ATXN1: variants seen among roughly 807,000 people sequenced by gnomAD.
The protein encoded by ATXN1 is ataxin 1.
A neutral mutation model predicts 56.4 loss-of-function variants in ATXN1; 8 were observed. The ratio of observed to expected loss-of-function variants is 0.14; its 90% CI spans 0.08 to 0.26. ATXN1 has a LOEUF of 0.26. Ranked by LOEUF, ATXN1 falls within the 10% of genes least tolerant of loss-of-function variation. ATXN1 has a pLI of 1.00. For missense variants in ATXN1, 987 were observed against 1,106.5 expected, an observed-to-expected ratio of 0.89 and a Z score of 1.53; for synonymous variants, 514 against 494.6, an observed-to-expected ratio of 1.04 and a Z score of -0.52.
At chr6:16,356,953 C>G (rs764335111) in intron 6 of ATXN1, among the ~76,000 whole-genome samples, 21 of 152,172 alleles carry the variant, frequency 1.4e-4, no homozygotes, top group Non-Finnish European at 2.4e-4. Flanking sequence ...ATATGGAGGA[C>G]TGTGGTGACA....
At chr6:16,453,408 C>T (rs761428092) in intron 6 of ATXN1, among the ~76,000 whole-genome samples, 86 of 152,094 alleles carry the variant, frequency 5.7e-4, no homozygotes, top group Admixed American at 9.8e-4. Flanking sequence ...TTGAAGTGAG[C>T]CAAGATTGCG....
intron 6 of ATXN1, among the ~76,000 whole-genome samples, chr6:16,354,307 G>C (rs1761639400): frequency 2.6e-5 from 4 of 152,092 alleles, no homozygotes; most frequent in Admixed American, 2.0e-4. Context: ...GCCCAGGCTG[G>C]AGTGCAGTGG....
chr6:16,342,329 A>G (rs1349034330), intron 6 of ATXN1, among the ~76,000 whole-genome samples: 1 of 151,998 alleles, frequency 6.6e-6, no homozygotes, highest in East Asian at 1.9e-4. Context: ...GATGGACATT[A>G]TATTCTTTTT....
chr6:16,597,763 A>G (rs1762841633), intron 3 of ATXN1, among the ~76,000 whole-genome samples: 1 of 152,202 alleles, frequency 6.6e-6, no homozygotes, highest in Non-Finnish European at 1.5e-5. Flanking sequence ...TGATGTAAGG[A>G]GAAACATATT....
At chr6:16,689,140 T>C (rs1385878559) in intron 2 of ATXN1, among the ~76,000 whole-genome samples, 4 of 152,096 alleles carry the variant, frequency 2.6e-5, no homozygotes, top group African/African-American at 4.8e-5. Flanking sequence ...ATGAAGACAA[T>C]ACATACTCTT....
intron 6 of ATXN1, among the ~76,000 whole-genome samples, chr6:16,439,958 C>T (rs1759480345): frequency 6.6e-6 from 1 of 150,668 alleles, no homozygotes; most frequent in Non-Finnish European, 1.5e-5. Flanking sequence ...ACCTGTAATC[C>T]CAGCTACTCG....
intron 4 of ATXN1, among the ~76,000 whole-genome samples, chr6:16,529,993 G>C (rs1012892205): frequency 2.0e-5 from 3 of 152,154 alleles, no homozygotes; most frequent in Non-Finnish European, 4.4e-5. Flanking sequence ...ATGTCCCCAA[G>C]TTGGAGAAGT....
chr6:16,414,061 G>A (rs1166191010), intron 6 of ATXN1, among the ~76,000 whole-genome samples: 2 of 152,178 alleles, frequency 1.3e-5, no homozygotes, highest in Non-Finnish European at 2.9e-5. Context: ...TCTTTCTATA[G>A]CCTCAAGGAG....
At chr6:16,429,478 T>C (rs575334187) in intron 6 of ATXN1, among the ~76,000 whole-genome samples, 2 of 141,152 alleles carry the variant, frequency 1.4e-5, no homozygotes, top group African/African-American at 2.6e-5. Flanking sequence ...AGTGCAGTGG[T>C]ACGATCTCAG....
At chr6:16,702,530 C>T (rs967936698) in intron 2 of ATXN1, among the ~76,000 whole-genome samples, 1 of 152,142 alleles carries the variant, frequency 6.6e-6, no homozygotes, top group Non-Finnish European at 1.5e-5. Flanking sequence ...AAAGAAACTA[C>T]CATCGGAGTG....
intron 7 of ATXN1, among the ~76,000 whole-genome samples, chr6:16,324,661 G>C (rs1205153952): frequency 4.6e-5 from 7 of 152,200 alleles, no homozygotes; most frequent in African/African-American, 1.2e-4. Context: ...AAAGCTCTCA[G>C]CTGCAGGCTG....
rs1016849757 is a variant in ATXN1 at position 16,328,489 on chromosome 6, C to G, written c.-160-19G>C. 1 of 1,166,080 alleles carries G rather than the reference C, an allele frequency of 8.6e-7. No individual in the cohort carries two copies. Among genetic ancestry groups the G allele is most frequent in the Non-Finnish European group, 1.1e-6 (1 of 906,774 alleles). 72.2% of individuals were successfully genotyped at this position (1,166,080 alleles called of 1,614,324 possible). A position where few individuals can be genotyped will look rare whatever the true frequency, so the allele number is the denominator to read the frequency against. Reference sequence around the variant, plus strand: ...CTGGATGCTGGGAAAGGGAAGAGGGCAGTGACAAAGGGAAAAGGAAAGGGA... The same window carrying G: ...CTGGATGCTGGGAAAGGGAAGAGGGGAGTGACAAAGGGAAAAGGAAAGGGA... On this transcript the variant is annotated intron_variant, in intron 6 of 7. Transcript: ENST00000436367. The surrounding 1 kb of genome is among the most constrained non-coding windows in gnomAD (Gnocchi z 6.2).
chr6:16,401,565 T>TA (rs1351856623), intron 6 of ATXN1, among the ~76,000 whole-genome samples: 1 of 152,148 alleles, frequency 6.6e-6, no homozygotes, highest in Non-Finnish European at 1.5e-5. Flanking sequence ...GCAGATGAAA[T>TA]GGTCTAAGGT....
intron 2 of ATXN1, among the ~76,000 whole-genome samples, chr6:16,691,093 A>T (rs565836099): frequency 6.6e-6 from 1 of 152,216 alleles, no homozygotes; most frequent in African/African-American, 2.4e-5. Flanking sequence ...GACATGATGC[A>T]ACCACCTTCA....
intron 7 of ATXN1, among the ~76,000 whole-genome samples, chr6:16,321,114 G>A (rs1269319240): frequency 6.6e-6 from 1 of 152,182 alleles, no homozygotes; most frequent in Non-Finnish European, 1.5e-5. Flanking sequence ...TGAGGGATAT[G>A]TTCAGACTCA....
chr6:16,323,372 A>G (rs189664909), intron 7 of ATXN1, among the ~76,000 whole-genome samples: 14 of 152,092 alleles, frequency 9.2e-5, no homozygotes, highest in Non-Finnish European at 1.8e-4. Context: ...TACAAAAATT[A>G]GCAGGGGGTG....
intron 6 of ATXN1, among the ~76,000 whole-genome samples, chr6:16,469,018 C>CA (rs1760164601): frequency 1.3e-5 from 2 of 152,182 alleles, no homozygotes; most frequent in Non-Finnish European, 2.9e-5. Context: ...TAAAATCTGC[C>CA]AAAACTGTGC....
In ATXN1 at chr6:16,407,534, T is replaced by A. The variant is rs181459068; in HGVS notation, c.-161+78438A>T. Reference sequence around the variant, plus strand: ...GCTGAAGCTGGTTTTACTCACAACATCTGGTTTGCTTATATAGCATATCAA... The same window carrying A: ...GCTGAAGCTGGTTTTACTCACAACAACTGGTTTGCTTATATAGCATATCAA... On this transcript the variant is annotated intron_variant, in intron 6 of 7. Transcript: ENST00000436367. 9.8e-5 allele frequency among the ~76,000 whole-genome samples: 15 copies of A among 152,346 alleles called. No individual in the cohort carries two copies. The East Asian group carries it at 2.5e-3, about 25-fold the overall frequency.
intron 6 of ATXN1, among the ~76,000 whole-genome samples, chr6:16,348,149 A>G (rs746162818): frequency 1.3e-5 from 2 of 152,230 alleles, no homozygotes; most frequent in Non-Finnish European, 2.9e-5. Flanking sequence ...AGTTTACTGT[A>G]GCCTCGACCT....
Sources: allele counts gnomAD v4.1 joint callset (sites outside exome capture counted in the v4.1 genomes callset), GRCh38; gene constraint gnomAD v4.1.1; non-coding constraint Gnocchi (gnomAD v3.1); transcripts MANE v1.5; gene names NCBI Gene and HGNC (gene_info 2026-07-23, HGNC 2026-07-21).